EAF1: variants seen among roughly 807,000 people sequenced by gnomAD.
EAF1 encodes ELL associated factor 1.
A neutral mutation model predicts 26.6 loss-of-function variants in EAF1; 19 were observed. The ratio of observed to expected loss-of-function variants is 0.71; its 90% CI spans 0.50 to 1.05. The LOEUF (loss-of-function observed/expected upper bound fraction) is 1.05. Ranked by LOEUF, EAF1 falls within the 50% of genes least tolerant of loss-of-function variation. The pLI is 0.00. For missense variants in EAF1, 260 were observed against 335.5 expected (o/e 0.78, Z 1.76); for synonymous variants, 102 against 120.6 (o/e 0.85, Z 1.01).
intron 1 of EAF1, 90 bp downstream of exon 1, chr3:15,427,972 A>T: frequency 6.5e-6 from 7 of 1,074,212 alleles, no homozygotes; most frequent in Non-Finnish European, 9.2e-6. Context: ...GGCCCTTCAG[A>T]TTCCAGGGAA....
Position 15,427,854 on chromosome 3 carries a change from G to T in EAF1, c.75G>T (p.Arg25=). 1 of 1,550,668 alleles carries T rather than the reference G, an allele frequency of 6.4e-7. No individual in the cohort carries two copies. The highest frequency in any genetic ancestry group is 8.7e-7 in the Non-Finnish European group (1 of 1,146,558). ...GGCTCGGGGAGAGCTTCGAGAAGCG[G>T]CCGCGGGCCTCCTTCCACACTATTC... ...CLRLGESFEK[R]PRASFHTIRY... The change falls in exon 1 of 6, where the codon CGG becomes CGT. Residue 25 remains arginine, a synonymous_variant. Coordinates refer to ENST00000396842, the MANE Select transcript of EAF1 (RefSeq NM_033083.7).
At position 15,427,791 on chromosome 3, in the gene EAF1, C is replaced by G; in HGVS notation, c.12C>G (p.Thr4=). The change falls in exon 1 of 6, where the codon ACC becomes ACG. Residue 4 remains threonine, a synonymous_variant. Transcript: ENST00000396842. MNG[T]ANPLLDREEH... Reference sequence around the variant, plus strand: ...GCAGGTGCGGGGCCATGAATGGGACCGCAAACCCGCTGCTGGACCGCGAGG... The same window carrying G: ...GCAGGTGCGGGGCCATGAATGGGACGGCAAACCCGCTGCTGGACCGCGAGG... 1.9e-6 allele frequency: 3 copies of G among 1,551,280 alleles called. No homozygotes were observed. The highest frequency in any genetic ancestry group is 2.6e-6 in the Non-Finnish European group (3 of 1,146,876).
chr3:15,439,058 C>A (rs765631746), intron 5 of EAF1, 51 bp from the exon 6 acceptor site: 4 of 1,540,204 alleles, frequency 2.6e-6, no homozygotes. Flanking sequence ...TTTTTAAATT[C>A]TGTACTTTTG....
rs781202087 is a variant in EAF1, at chr3:15,439,102, T to A, written c.761-7T>A. 16 of 1,604,344 alleles carry A rather than the reference T, an allele frequency of 1.0e-5. No homozygotes were observed. Among genetic ancestry groups the A allele is most frequent in the East Asian group, 6.7e-5 (3 of 44,822 alleles). ...TATGATTTTACTTTATTTTTTTTTT[T>A]AAATAGGAAATGACTTGCAGTTGAG... On this transcript the variant is annotated splice_region_variant and splice_polypyrimidine_tract_variant and intron_variant, in intron 5 of 5. Transcript: ENST00000396842.
At chr3:15,432,329 A>T in intron 3 of EAF1, 106 bp downstream of exon 3, 1 of 1,434,502 alleles carries the variant, frequency 7.0e-7, no homozygotes, top group South Asian at 1.4e-5. Context: ...TGTTCTATCA[A>T]TAATCTTAAC....
chr3:15,441,238 C>T lies in EAF1; in HGVS notation c.*2083C>T, dbSNP rs1248301778. ...ACAAAGCCTTTGGTGGTTCTGCCCTCTGCCCTCCAGCTTTACCCACCAGAG... is the reference window on the plus strand; with the variant it reads ...ACAAAGCCTTTGGTGGTTCTGCCCTTTGCCCTCCAGCTTTACCCACCAGAG... On this transcript the variant is annotated 3_prime_UTR_variant, in exon 6 of 6. Transcript: ENST00000396842. 6.5e-6 allele frequency: 1 copy of T among 153,794 alleles called. No individual in the cohort carries two copies. The highest frequency in any genetic ancestry group is 1.5e-5 in the Non-Finnish European group (1 of 68,146). 9.5% of individuals were successfully genotyped at this position (153,794 alleles called of 1,614,324 possible). A position where few individuals can be genotyped will look rare whatever the true frequency, so the allele number is the denominator to read the frequency against.
In EAF1 at chr3:15,427,764, AGGCAGGTGCGG is replaced by A. The variant is rs1369806434; in HGVS notation, c.-12_-2del. Reference sequence around the variant, plus strand: ...CCGGGAGAGCGCCGATCTGGGTGCGAGGCAGGTGCGGGGCCATGAATGGGACCGCAAACCCG... The same window carrying A: ...CCGGGAGAGCGCCGATCTGGGTGCGAGGCCATGAATGGGACCGCAAACCCG... On this transcript the variant is annotated 5_prime_UTR_variant, in exon 1 of 6. Transcript: ENST00000396842. The A allele has an allele frequency of 6.4e-7, 1 of 1,550,534 alleles. No homozygotes were observed. Among genetic ancestry groups the A allele is most frequent in the Middle Eastern group, 1.7e-4 (1 of 5,764 alleles).
In EAF1 at chr3:15,440,747, G is replaced by C. The variant is rs1388587549; in HGVS notation, c.*1592G>C. The C allele has an allele frequency of 1.3e-5, 2 of 152,642 alleles. No homozygotes were observed. The highest frequency in any genetic ancestry group is 6.5e-5 in the Admixed American group (1 of 15,278). 9.5% of individuals were successfully genotyped at this position (152,642 alleles called of 1,614,324 possible). A position where few individuals can be genotyped will look rare whatever the true frequency, so the allele number is the denominator to read the frequency against. On this transcript the variant is annotated 3_prime_UTR_variant, in exon 6 of 6. Transcript: ENST00000396842. ...GGTAATAGGTCTACGCTAGGACCCCGTGCTGGGCTCTCAGCCCATCATGAG... is the reference window on the plus strand; with the variant it reads ...GGTAATAGGTCTACGCTAGGACCCCCTGCTGGGCTCTCAGCCCATCATGAG...
chr3:15,431,354 G>T (rs903898049), intron 2 of EAF1, among the ~76,000 whole-genome samples: 1 of 152,214 alleles, frequency 6.6e-6, no homozygotes, highest in Non-Finnish European at 1.5e-5. Context: ...AGATCTGGAG[G>T]TTGGGTCATT....
At chr3:15,437,254 T>C (rs2061841447) in intron 5 of EAF1, among the ~76,000 whole-genome samples, 1 of 149,556 alleles carries the variant, frequency 6.7e-6, no homozygotes, top group Non-Finnish European at 1.5e-5. Flanking sequence ...GGCTTTTTTT[T>C]TTTTTTTTTT....
At chr3:15,438,279 C>T (rs1363011382) in intron 5 of EAF1, among the ~76,000 whole-genome samples, 1 of 152,130 alleles carries the variant, frequency 6.6e-6, no homozygotes, top group Non-Finnish European at 1.5e-5. Flanking sequence ...GCCTAGTAAA[C>T]AGGAATCTGG....
chr3:15,434,363 T>C lies in EAF1; in HGVS notation c.351T>C (p.Ser117=), dbSNP rs778551939. ...CTCCTTTCAGAGCTGAGGGCAGCAG[T>C]AAAATCCAGGCCCGAATGGAACAGC... The part of the protein sequence containing the change: ...QVKKTRAEGS[S]KIQARMEQQP... Residue 117 remains serine, a synonymous_variant, in exon 4 of 6, where the codon AGT becomes AGC. Transcript: ENST00000396842. 52 of 1,614,044 alleles carry C rather than the reference T, an allele frequency of 3.2e-5. No homozygotes were observed. The highest frequency in any genetic ancestry group is 4.2e-6 in the Non-Finnish European group (5 of 1,180,020).
Position 15,439,931 on chromosome 3 carries a change from A to G in EAF1, c.*776A>G, listed in dbSNP as rs1449288979. ...GCACTTGGATTAGATTCCAAAAGAC[A>G]AAAGTGTTGGGTGCTTCTAGCTTGA... is the stretch of plus-strand genomic sequence containing the variant. On this transcript the variant is annotated 3_prime_UTR_variant, in exon 6 of 6. Coordinates refer to ENST00000396842, the MANE Select transcript of EAF1 (RefSeq NM_033083.7). 6.6e-6 allele frequency: 1 copy of G among 152,232 alleles called. No individual in the cohort carries two copies. The highest frequency in any genetic ancestry group is 1.5e-5 in the Non-Finnish European group (1 of 68,030). 9.4% of individuals were successfully genotyped at this position (152,232 alleles called of 1,614,324 possible).
intron 2 of EAF1, 148 bp downstream of exon 2, chr3:15,430,155 G>T: frequency 1.6e-6 from 1 of 609,122 alleles, no homozygotes; most frequent in Non-Finnish European, 2.8e-6. Flanking sequence ...GGAGTGGGGT[G>T]GGGTGGACTT....
intron 1 of EAF1, 81 bp downstream of exon 1, chr3:15,427,963 G>C (rs1259517331): frequency 2.6e-5 from 31 of 1,180,852 alleles, no homozygotes; most frequent in Non-Finnish European, 3.5e-5. Flanking sequence ...TCTTCCCTCG[G>C]CCCTTCAGAT....
intron 1 of EAF1, among the ~76,000 whole-genome samples, chr3:15,429,575 A>G (rs2061790254): frequency 6.6e-6 from 1 of 152,178 alleles, no homozygotes; most frequent in South Asian, 2.1e-4. Flanking sequence ...GGAGAAGGGA[A>G]TATCTTTGTT....
chr3:15,439,470 C>T lies in EAF1; in HGVS notation c.*315C>T, dbSNP rs903782753. On this transcript the variant is annotated 3_prime_UTR_variant, in exon 6 of 6. Coordinates refer to ENST00000396842, the MANE Select transcript of EAF1 (RefSeq NM_033083.7). ...GCCCTGGTCTAAGTTACTCAAAGGC[C>T]ATATCTTCACCAGGCCAGAGATTCA... 4.2e-6 allele frequency: 1 copy of T among 237,214 alleles called. No homozygotes were observed. The highest frequency in any genetic ancestry group is 8.7e-5 in the East Asian group (1 of 11,436). The allele number at this position is 237,214 out of a possible 1,614,324, so 14.7% of individuals were successfully genotyped here.
At chr3:15,432,421 G>T (rs755396971) in intron 3 of EAF1, among the ~76,000 whole-genome samples, 198 bp downstream of exon 3, 13 of 152,120 alleles carry the variant, frequency 8.5e-5, no homozygotes, top group Non-Finnish European at 1.5e-4. Context: ...AAGAAATAAT[G>T]TTTTTTAAGA....
rs1408263208 is a variant in EAF1 at position 15,431,970 on chromosome 3, T to C, written c.199-117T>C. 2.5e-6 allele frequency: 3 copies of C among 1,211,790 alleles called. No homozygotes were observed. In the East Asian group the frequency reaches 7.6e-5, roughly 31 times the overall value. The allele number at this position is 1,211,790 out of a possible 1,614,324, so 75.1% of individuals were successfully genotyped here. On this transcript the variant is annotated intron_variant, in intron 2 of 5. Transcript: ENST00000396842. ...AGATAAAATAGAAATCAGTTCAACC[T>C]GTTCTTTTTGAATAGCTCTGATAAA...
Sources: gnomAD v4.1 joint callset for allele counts (sites outside exome capture counted in the v4.1 genomes callset) on GRCh38, gnomAD v4.1.1 for gene constraint, MANE v1.5 for transcripts, NCBI Gene and HGNC (gene_info 2026-07-23, HGNC 2026-07-21) for gene names.